NPAS3: variants seen among roughly 807,000 people sequenced by gnomAD.
NPAS3 encodes the protein neuronal PAS domain-containing protein 3.
A neutral mutation model predicts 73.1 loss-of-function variants in NPAS3; 14 were observed. The ratio of observed to expected loss-of-function variants is 0.19; its 90% confidence interval spans 0.13 to 0.30. NPAS3 has a LOEUF of 0.30. Ranked by LOEUF, NPAS3 falls within the 10% of genes least tolerant of loss-of-function variation. NPAS3 has a pLI of 1.00. For synonymous variants in NPAS3, 620 were observed against 541.5 expected, an observed-to-expected ratio of 1.14 and a Z score of -2.01; for missense variants, 1,096 against 1,250.0, an observed-to-expected ratio of 0.88 and a Z score of 1.86.
chr14:33,082,704 T>C (rs2041897419), intron 2 of NPAS3, among the ~76,000 whole-genome samples: 1 of 152,180 alleles, frequency 6.6e-6, no homozygotes, highest in Admixed American at 6.5e-5. Flanking sequence ...CTGGCCCAAG[T>C]TTAGAATCTC....
intron 5 of NPAS3, among the ~76,000 whole-genome samples, chr14:33,560,576 C>T (rs1481918338): frequency 6.6e-6 from 1 of 152,156 alleles, no homozygotes; most frequent in Non-Finnish European, 1.5e-5. Context: ...ATGGAGTACC[C>T]TGCATTATCC....
intron 9 of NPAS3, among the ~76,000 whole-genome samples, chr14:33,790,755 G>A (rs1002230502): frequency 4.6e-5 from 7 of 151,922 alleles, no homozygotes; most frequent in Non-Finnish European, 7.4e-5. Flanking sequence ...CGCAACCTCC[G>A]CCTCCCAGGC....
chr14:33,272,387 G>C (rs1332382862), intron 3 of NPAS3, among the ~76,000 whole-genome samples: 2 of 152,088 alleles, frequency 1.3e-5, no homozygotes, highest in Non-Finnish European at 2.9e-5. Flanking sequence ...TCTCTTAGAA[G>C]GGCCAGATGA....
intron 4 of NPAS3, among the ~76,000 whole-genome samples, chr14:33,395,222 G>A (rs1119218): frequency 0.036 from 5,545 of 152,126 alleles, 208 homozygotes; most frequent in African/African-American, 0.1. Context: ...TTTGCATTTC[G>A]TAATCAGCAG....
intron 4 of NPAS3, among the ~76,000 whole-genome samples, chr14:33,392,890 A>G (rs2047068286): frequency 6.6e-6 from 1 of 152,066 alleles, no homozygotes; most frequent in Admixed American, 6.6e-5. Context: ...AACTTGGTTA[A>G]CAGCAGAGGT....
chr14:33,443,907 A>G (rs1227435416), intron 4 of NPAS3, among the ~76,000 whole-genome samples: 1 of 152,182 alleles, frequency 6.6e-6, no homozygotes, highest in African/African-American at 2.4e-5. Context: ...CTGGTATGAG[A>G]AAGTTAACCT....
intron 2 of NPAS3, among the ~76,000 whole-genome samples, chr14:33,205,911 T>G (rs139207957): frequency 6.6e-6 from 1 of 152,238 alleles, no homozygotes; most frequent in Non-Finnish European, 1.5e-5. Flanking sequence ...TAAGGAAAAT[T>G]AAAAGAAAAA....
rs71433615 is a variant in NPAS3 at position 33,446,167 on chromosome 14, T to TTTC, written c.468+78901_468+78902insCTT. ...TTCTCTAGGGACACTTCATGCTTTCTTTTTTTTTTTTTTTTTTTTGAGACG... is the reference window on the plus strand; with the variant it reads ...TTCTCTAGGGACACTTCATGCTTTCTTTCTTTTTTTTTTTTTTTTTTTGAGACG... On this transcript the variant is annotated intron_variant, in intron 4 of 11. Coordinates refer to ENST00000356141, the Ensembl canonical transcript of NPAS3. Among the ~76,000 whole-genome samples the TTTC allele has an allele frequency of 1.0e-4, 5 of 50,240 alleles. No individual in the cohort carries two copies. The South Asian group carries it at 2.1e-3, about 21-fold the overall frequency. 33.0% of individuals were successfully genotyped at this position (50,240 alleles called of 152,430 possible).
At chr14:33,106,701 C>T (rs1445513948) in intron 2 of NPAS3, among the ~76,000 whole-genome samples, 1 of 152,110 alleles carries the variant, frequency 6.6e-6, no homozygotes, top group African/African-American at 2.4e-5. Flanking sequence ...ATTTCCAGAA[C>T]ATAATTTGAA....
chr14:33,293,466 A>G lies in NPAS3; in HGVS notation c.386-73720A>G, dbSNP rs908828831. On this transcript the variant is annotated intron_variant, in intron 3 of 11. Coordinates refer to ENST00000356141, the Ensembl canonical transcript of NPAS3. ...ATTCTAAAAACATTTTCCAAAGAATATGTTGTGAGTGATTTAATGAGCATA... is the reference window on the plus strand; with the variant it reads ...ATTCTAAAAACATTTTCCAAAGAATGTGTTGTGAGTGATTTAATGAGCATA... Among the ~76,000 whole-genome samples the G allele has an allele frequency of 3.9e-5, 6 of 152,344 alleles. No homozygotes were observed. The East Asian group carries it at 1.2e-3, about 29-fold the overall frequency.
intron 3 of NPAS3, among the ~76,000 whole-genome samples, chr14:33,262,360 A>G (rs2049005262): frequency 6.6e-6 from 1 of 152,182 alleles, no homozygotes; most frequent in Admixed American, 6.5e-5. Flanking sequence ...ATTGTTTTAG[A>G]TTTCCTTCAA....
intron 5 of NPAS3, among the ~76,000 whole-genome samples, chr14:33,600,369 A>AT (rs1202205112): frequency 6.6e-6 from 1 of 152,008 alleles, no homozygotes; most frequent in Non-Finnish European, 1.5e-5. Context: ...CTCTTTATGC[A>AT]TTTTCTCCAC....
intron 4 of NPAS3, among the ~76,000 whole-genome samples, chr14:33,507,015 GAAAA>G (rs113116550): frequency 1.3e-5 from 2 of 148,800 alleles, no homozygotes; most frequent in Non-Finnish European, 3.0e-5. Context: ...ACTCAGATTG[GAAAA>G]AAAAAAATTG....
chr14:33,271,026 A>T (rs2041051526), intron 3 of NPAS3, among the ~76,000 whole-genome samples: 1 of 152,238 alleles, frequency 6.6e-6, no homozygotes. Flanking sequence ...ATTTTAGATG[A>T]CTATGGGAAC....
At chr14:33,308,414 A>G (rs1301647621) in intron 3 of NPAS3, among the ~76,000 whole-genome samples, 1 of 151,772 alleles carries the variant, frequency 6.6e-6, no homozygotes, top group Non-Finnish European at 1.5e-5. Flanking sequence ...AATGCCGAAT[A>G]TCAGGAAGCT....
At chr14:33,452,736 C>G (rs147403490) in intron 4 of NPAS3, among the ~76,000 whole-genome samples, 1,453 of 128,938 alleles carry the variant, frequency 0.011, 32 homozygotes, top group African/African-American at 0.04. Context: ...GATCGTGCCA[C>G]TGCACTCCAG....
chr14:33,033,886 CT>C (rs1352749308), intron 1 of NPAS3, among the ~76,000 whole-genome samples: 1 of 152,138 alleles, frequency 6.6e-6, no homozygotes, highest in Non-Finnish European at 1.5e-5. Context: ...ATCCACTGGC[CT>C]TTAGCCTTTG....
intron 3 of NPAS3, among the ~76,000 whole-genome samples, chr14:33,220,897 A>G (rs1199732609): frequency 1.3e-5 from 2 of 152,228 alleles, no homozygotes; most frequent in Non-Finnish European, 1.5e-5. Flanking sequence ...TGAAGAAAGC[A>G]TATTTTTGAG....
At chr14:33,004,723 A>G (rs1219287790) in intron 1 of NPAS3, among the ~76,000 whole-genome samples, 2 of 151,746 alleles carry the variant, frequency 1.3e-5, no homozygotes, top group Non-Finnish European at 2.9e-5. Flanking sequence ...TTTTGTAATC[A>G]CAGCTTAAAA....
Sources: allele counts gnomAD v4.1 joint callset (sites outside exome capture counted in the v4.1 genomes callset), GRCh38; gene constraint gnomAD v4.1.1; transcripts MANE v1.5; gene names NCBI Gene and HGNC (gene_info 2026-07-23, HGNC 2026-07-21).